PNO1: variants seen among roughly 807,000 people sequenced by gnomAD.
The protein encoded by PNO1 is partner of NOB1 homolog.
Under a neutral mutation model 28.4 loss-of-function variants are expected in PNO1, and 16 were observed. The observed-to-expected ratio is 0.56, with a 90% CI of 0.38 to 0.85. The LOEUF is 0.85. PNO1 is among the 40% of genes least tolerant of loss of function. The pLI, the probability that PNO1 is intolerant of heterozygous loss-of-function variation, is 0.00. For synonymous variants in PNO1, 115 were observed against 110.8 expected (o/e 1.04, Z -0.24); for missense variants, 304 against 312.2 (o/e 0.97, Z 0.20).
intron 6 of PNO1, among the ~76,000 whole-genome samples, chr2:68,174,082 A>G (rs1674204918): frequency 6.6e-6 from 1 of 152,164 alleles, no homozygotes; most frequent in Non-Finnish European, 1.5e-5. Context: ...TGATCCACTT[A>G]ACCCATTTTC....
intron 5 of PNO1, among the ~76,000 whole-genome samples, chr2:68,165,147 G>A (rs1355026837): frequency 2.0e-5 from 3 of 150,440 alleles, no homozygotes; most frequent in South Asian, 2.1e-4. Flanking sequence ...GGCGGATCAC[G>A]AGGTCAGGAG....
intron 5 of PNO1, 66 bp downstream of exon 5, chr2:68,162,729 C>CAT (rs1673869014): frequency 2.0e-5 from 21 of 1,040,828 alleles, no homozygotes; most frequent in South Asian, 1.7e-4. Context: ...TTAAGAAAGT[C>CAT]ATAACAGTTG....
In PNO1 at chr2:68,162,263, A is replaced by G. The variant is rs748104517; in HGVS notation, c.442-2A>G. ...TTCACGGTGTTTGTTTTTATATTAT[A>G]GGATGCACTTGCCCTCATCAGGTTG... is the stretch of plus-strand genomic sequence containing the variant. On this transcript the variant is annotated splice_acceptor_variant, in intron 3 of 6. Coordinates refer to ENST00000263657, the MANE Select transcript of PNO1 (RefSeq NM_020143.4). LOFTEE classifies it high-confidence loss of function. 1 of 1,607,982 alleles carries G rather than the reference A, an allele frequency of 6.2e-7. No individual in the cohort carries two copies. The highest frequency in any genetic ancestry group is 8.5e-7 in the Non-Finnish European group (1 of 1,175,208).
intron 5 of PNO1, among the ~76,000 whole-genome samples, chr2:68,169,518 A>C (rs553257394): frequency 2.0e-5 from 3 of 152,346 alleles, no homozygotes; most frequent in African/African-American, 4.8e-5. Flanking sequence ...GCTCACCACA[A>C]GAGCAATAGG....
intron 5 of PNO1, among the ~76,000 whole-genome samples, chr2:68,172,506 G>T (rs1334993283): frequency 3.3e-5 from 5 of 152,144 alleles, no homozygotes; most frequent in Non-Finnish European, 5.9e-5. Flanking sequence ...TTGGAAGATG[G>T]ACTCAAAAAG....
chr2:68,165,392 A>G (rs1237196143), intron 5 of PNO1, among the ~76,000 whole-genome samples: 5 of 126,180 alleles, frequency 4.0e-5, no homozygotes, highest in Admixed American at 7.9e-5. Flanking sequence ...ACAAAAAAAA[A>G]AAAACTAGCT....
intron 2 of PNO1, chr2:68,161,067 T>G (rs1673816399): frequency 2.8e-6 from 1 of 359,782 alleles, no homozygotes; most frequent in African/African-American, 2.2e-5. Context: ...GTTGTGAAGG[T>G]TAGAGTTATG....
intron 1 of PNO1, 91 bp downstream of exon 1, chr2:68,158,232 G>A: frequency 7.1e-7 from 1 of 1,417,448 alleles, no homozygotes; most frequent in Admixed American, 2.2e-5. Flanking sequence ...GCTGCGGTGG[G>A]GCTGTTCTGC....
rs747557505 is a variant in PNO1 at position 68,158,118 on chromosome 2, C to T, written c.184C>T (p.Pro62Ser). ...GCCGGCGAAGAGGCCCGTCTTCCCACCCCTCTGTGGGGACGGGCTCCTGGT... is the reference window on the plus strand; with the variant it reads ...GCCGGCGAAGAGGCCCGTCTTCCCATCCCTCTGTGGGGACGGGCTCCTGGT... ...ARPAKRPVFPPLCGDGLLSGK... is the reference protein window; with the variant it reads ...ARPAKRPVFPSLCGDGLLSGK... Residue 62 changes from proline to serine, a missense_variant, in exon 1 of 7, where the codon CCC becomes TCC. Pro to Ser is a moderately conservative substitution (Grantham distance 74). Coordinates refer to ENST00000263657, the MANE Select transcript of PNO1 (RefSeq NM_020143.4). 6.2e-7 allele frequency: 1 copy of T among 1,606,906 alleles called. No individual in the cohort carries two copies. The highest frequency in any genetic ancestry group is 1.1e-5 in the South Asian group (1 of 90,542).
At chr2:68,172,714 A>G (rs1674162496) in intron 5 of PNO1, among the ~76,000 whole-genome samples, 1 of 152,180 alleles carries the variant, frequency 6.6e-6, no homozygotes, top group Non-Finnish European at 1.5e-5. Flanking sequence ...CGTCTTGGGC[A>G]GGCTTTTTGA....
At chr2:68,164,637 C>CA (rs1673927478) in intron 5 of PNO1, among the ~76,000 whole-genome samples, 1 of 151,924 alleles carries the variant, frequency 6.6e-6, no homozygotes, top group Non-Finnish European at 1.5e-5. Context: ...TCCATCTCTA[C>CA]AAAAAATATA....
chr2:68,173,425 C>A lies in PNO1; in HGVS notation c.691+8C>A. 6.4e-7 allele frequency: 1 copy of A among 1,550,398 alleles called. No homozygotes were observed. The highest frequency in any genetic ancestry group is 8.9e-7 in the Non-Finnish European group (1 of 1,122,400). On this transcript the variant is annotated splice_region_variant and intron_variant, in intron 6 of 6. Coordinates refer to ENST00000263657, the MANE Select transcript of PNO1 (RefSeq NM_020143.4). ...TTTGCAACCTAATCTTGGGTAATAG[C>A]AGTTTCTTTCTTTGGTGTTTTCTCT...
At chr2:68,173,467 T>A in intron 6 of PNO1, 50 bp downstream of exon 6, 2 of 1,145,186 alleles carry the variant, frequency 1.7e-6, no homozygotes, top group Non-Finnish European at 2.6e-6. Flanking sequence ...GATAGGAAGT[T>A]AATTGAGGAA....
intron 5 of PNO1, among the ~76,000 whole-genome samples, chr2:68,163,874 AGAGATTATATAATGCCAT>A (rs1262261781): frequency 6.6e-6 from 1 of 152,152 alleles, no homozygotes; most frequent in Non-Finnish European, 1.5e-5. Flanking sequence ...CAGATGGCTC[AGAGATTATATAATGCCAT>A]GAAGTTGGGA....
intron 3 of PNO1, among the ~76,000 whole-genome samples, 169 bp from the exon 4 acceptor site, chr2:68,162,096 G>A (rs1261311628): frequency 2.0e-5 from 3 of 151,800 alleles, no homozygotes; most frequent in East Asian, 3.9e-4. Context: ...CCAAGATCAC[G>A]CCACTGCACT....
chr2:68,161,820 C>A, intron 3 of PNO1, 54 bp downstream of exon 3: 7 of 1,117,054 alleles, frequency 6.3e-6, no homozygotes, highest in Non-Finnish European at 8.1e-6. Flanking sequence ...TCAATGTGAA[C>A]ATTTCAATGG....
At chr2:68,174,575 GTAGT>G (rs1370495119) in intron 6 of PNO1, among the ~76,000 whole-genome samples, 156 bp from the exon 7 acceptor site, 1 of 152,076 alleles carries the variant, frequency 6.6e-6, no homozygotes, top group East Asian at 1.9e-4. Context: ...GAGGATGTGG[GTAGT>G]TAATGTGCAT....
At chr2:68,163,270 G>A (rs1034251390) in intron 5 of PNO1, among the ~76,000 whole-genome samples, 10 of 152,100 alleles carry the variant, frequency 6.6e-5, no homozygotes, top group South Asian at 2.1e-4. Context: ...AGTGGCTCAC[G>A]CCTGCAATCC....
rs1469855360 is a variant in PNO1 at position 68,174,766 on chromosome 2, T to C, written c.723T>C (p.Ile241=). ...GNPPSKVYGN[I]RAVASRSADR... The stretch of plus-strand genomic sequence containing the variant: ...CTCCTTCCAAGGTTTATGGCAATAT[T>C]CGAGCTGTGGCTAGCAGATCAGCAG... Residue 241 remains isoleucine, a synonymous_variant, in exon 7 of 7, where the codon ATT becomes ATC. Coordinates refer to ENST00000263657, the MANE Select transcript of PNO1 (RefSeq NM_020143.4). 6.2e-7 allele frequency: 1 copy of C among 1,611,030 alleles called. No homozygotes were observed. The highest frequency in any genetic ancestry group is 2.2e-5 in the East Asian group (1 of 44,834).
Sources: gnomAD v4.1 joint callset for allele counts (sites outside exome capture counted in the v4.1 genomes callset) on GRCh38, gnomAD v4.1.1 for gene constraint, MANE v1.5 for transcripts, NCBI Gene and HGNC (gene_info 2026-07-23, HGNC 2026-07-21) for gene names.